The following ABCC4 variants were observed in gnomAD, a reference collection of about 807,000 sequenced individuals.
ABCC4 encodes the protein ATP-binding cassette sub-family C member 4.
Under a neutral mutation model 168.5 loss-of-function variants are expected in ABCC4, and 102 were observed. The ratio of observed to expected loss-of-function variants is 0.61; its 90% CI spans 0.52 to 0.71. The LOEUF (loss-of-function observed/expected upper bound fraction) is 0.71. ABCC4 is among the 30% of genes least tolerant of loss of function. The pLI is 0.00. For missense variants in ABCC4, 1,402 were observed against 1,605.8 expected (o/e 0.87, Z 2.17); for synonymous variants, 617 against 590.7 (o/e 1.04, Z -0.65).
At chr13:95,257,891 T>C (rs2040432045) in intron 1 of ABCC4, among the ~76,000 whole-genome samples, 1 of 152,206 alleles carries the variant, frequency 6.6e-6, no homozygotes, top group Non-Finnish European at 1.5e-5. Context: ...TCAAAGTTTA[T>C]CTGTCCCTGG....
intron 19 of ABCC4, among the ~76,000 whole-genome samples, chr13:95,137,161 G>A (rs1165299257): frequency 6.6e-6 from 1 of 152,232 alleles, no homozygotes; most frequent in Non-Finnish European, 1.5e-5. Context: ...AGCAGTGGAA[G>A]TAGGAAAATG....
intron 25 of ABCC4, among the ~76,000 whole-genome samples, chr13:95,069,934 C>T (rs1362767292): frequency 6.6e-6 from 1 of 152,112 alleles, no homozygotes; most frequent in Non-Finnish European, 1.5e-5. Flanking sequence ...ACGGGTGGGC[C>T]ACAGATGTTA....
chr13:95,170,477 G>T lies in ABCC4; in HGVS notation c.1824+55C>A, dbSNP rs1475848529. On this transcript the variant is annotated intron_variant, in intron 14 of 30. Transcript: ENST00000645237. ...AACATGAAATGGAGGAAGAAGAAGG[G>T]GATTCAACACACCCAAGTACTTGCA... is the stretch of plus-strand genomic sequence containing the variant. The T allele has an allele frequency of 6.9e-5, 70 of 1,021,120 alleles. 1 individual carries two copies. The highest frequency in any genetic ancestry group is 8.8e-5 in the Non-Finnish European group (60 of 678,584). 63.3% of individuals were successfully genotyped at this position (1,021,120 alleles called of 1,614,324 possible). A position where few individuals can be genotyped will look rare whatever the true frequency, so the allele number is the denominator to read the frequency against.
chr13:95,036,516 GA>G (rs34945326), intron 29 of ABCC4, among the ~76,000 whole-genome samples: 9,544 of 141,902 alleles, frequency 0.067, 917 homozygotes, highest in African/African-American at 0.22. Flanking sequence ...GGCAGAGCCA[GA>G]AAAAAAAAAA....
chr13:95,068,036 T>C (rs1222072129), intron 25 of ABCC4, among the ~76,000 whole-genome samples: 1 of 152,328 alleles, frequency 6.6e-6, no homozygotes, highest in East Asian at 1.9e-4. Flanking sequence ...TTAGCGCCTA[T>C]TACTTTTTCC....
At chr13:95,281,163 A>C (rs529289172) in intron 1 of ABCC4, among the ~76,000 whole-genome samples, 3 of 152,104 alleles carry the variant, frequency 2.0e-5, no homozygotes, top group African/African-American at 7.2e-5. Context: ...TACAAAAATT[A>C]GCTGGGTGTG....
chr13:95,173,329 G>A (rs950815285), intron 13 of ABCC4, among the ~76,000 whole-genome samples: 5 of 152,178 alleles, frequency 3.3e-5, no homozygotes, highest in Admixed American at 2.0e-4. Context: ...AGTCTAGTGC[G>A]GGGGCTGGAG....
At chr13:95,191,967 G>A (rs2038266360) in intron 9 of ABCC4, among the ~76,000 whole-genome samples, 1 of 152,212 alleles carries the variant, frequency 6.6e-6, no homozygotes, top group Admixed American at 6.5e-5. Context: ...AGAAGGCTAG[G>A]CCCATTCCCT....
chr13:95,276,066 T>C (rs1385362100), intron 1 of ABCC4, among the ~76,000 whole-genome samples: 1 of 152,020 alleles, frequency 6.6e-6, no homozygotes, highest in Non-Finnish European at 1.5e-5. Context: ...GCTTACTTGG[T>C]AGGAAATAAA....
chr13:95,257,918 T>C (rs1183670289), intron 1 of ABCC4, among the ~76,000 whole-genome samples: 2 of 152,166 alleles, frequency 1.3e-5, no homozygotes, highest in Non-Finnish European at 2.9e-5. Context: ...AATATGAGTG[T>C]CTTTAATTTA....
chr13:95,035,311 G>A (rs533601890), intron 29 of ABCC4, among the ~76,000 whole-genome samples: 43 of 152,336 alleles, frequency 2.8e-4, no homozygotes, highest in South Asian at 1.0e-3. Context: ...ACTCTGGATG[G>A]TGAGGTTAAG....
chr13:95,089,231 T>C (rs1024113465), intron 20 of ABCC4, among the ~76,000 whole-genome samples: 6 of 152,320 alleles, frequency 3.9e-5, no homozygotes, highest in Middle Eastern at 3.4e-3. Context: ...CAAGATGATT[T>C]TGCAGAAGTT....
intron 20 of ABCC4, among the ~76,000 whole-genome samples, chr13:95,099,315 C>A (rs1015247729): frequency 1.3e-5 from 2 of 152,028 alleles, no homozygotes; most frequent in African/African-American, 4.8e-5. Flanking sequence ...TTGATGTTGA[C>A]AGAAATCTGG....
intron 19 of ABCC4, among the ~76,000 whole-genome samples, chr13:95,123,426 G>A (rs895176579): frequency 4.6e-5 from 7 of 152,122 alleles, no homozygotes; most frequent in Admixed American, 2.0e-4. Flanking sequence ...ACACTAGCAC[G>A]ATCTCGGCTC....
At chr13:95,243,251 G>A (rs1258834219) in intron 3 of ABCC4, among the ~76,000 whole-genome samples, 2 of 152,174 alleles carry the variant, frequency 1.3e-5, no homozygotes, top group African/African-American at 2.4e-5. Flanking sequence ...GGACAGAAGA[G>A]CTGTCCCCAT....
chr13:95,131,843 T>C (rs1027705844), intron 19 of ABCC4, among the ~76,000 whole-genome samples: 1 of 152,052 alleles, frequency 6.6e-6, no homozygotes, highest in Non-Finnish European at 1.5e-5. Flanking sequence ...TTGTATATAG[T>C]TGGGGGATCA....
chr13:95,211,337 G>A (rs774114121), intron 4 of ABCC4, among the ~76,000 whole-genome samples: 1 of 152,194 alleles, frequency 6.6e-6, no homozygotes, highest in African/African-American at 2.4e-5. Context: ...TGCCTTGGGA[G>A]ACAGGGCTAG....
intron 13 of ABCC4, among the ~76,000 whole-genome samples, chr13:95,172,324 A>C (rs1274234264): frequency 2.0e-5 from 3 of 152,228 alleles, no homozygotes; most frequent in African/African-American, 7.2e-5. Flanking sequence ...GCTCACGCCT[A>C]TAATTCCAGC....
intron 1 of ABCC4, among the ~76,000 whole-genome samples, chr13:95,278,786 C>G (rs1399216117): frequency 1.9e-5 from 2 of 107,262 alleles, no homozygotes; most frequent in African/African-American, 3.7e-5. Context: ...GCCTGAGAGA[C>G]AGAGCAAGAC....
Sources: allele counts gnomAD v4.1 joint callset (sites outside exome capture counted in the v4.1 genomes callset), GRCh38; gene constraint gnomAD v4.1.1; transcripts MANE v1.5; gene names NCBI Gene and HGNC (gene_info 2026-07-23, HGNC 2026-07-21).